BPI: variants seen among roughly 807,000 people sequenced by gnomAD.
BPI encodes the protein bactericidal permeability-increasing protein.
Under a neutral mutation model 57.6 loss-of-function variants are expected in BPI, and 48 were observed. That is an observed-to-expected ratio of 0.83 (90% CI 0.66 to 1.06). The LOEUF is 1.06. Ranked by LOEUF, BPI falls within the 50% of genes least tolerant of loss-of-function variation. BPI has a pLI of 0.00. For missense variants in BPI, 651 were observed against 609.7 expected, an observed-to-expected ratio of 1.07 and a Z score of -0.71; for synonymous variants, 237 against 238.2, an observed-to-expected ratio of 0.99 and a Z score of 0.05.
chr20:38,323,742 T>C (rs1051154455), intron 7 of BPI, 128 bp from the exon 8 acceptor site: 1 of 1,056,094 alleles, frequency 9.5e-7, no homozygotes, highest in Non-Finnish European at 1.3e-6. Context: ...CTACTGTTAG[T>C]TTCTGGTCAT....
Position 38,331,038 on chromosome 20 carries a change from C to T in BPI, c.1230-10C>T. 6.2e-7 allele frequency: 1 copy of T among 1,614,066 alleles called. No homozygotes were observed. The highest frequency in any genetic ancestry group is 8.5e-7 in the Non-Finnish European group (1 of 1,179,956). ...TTGGTGGTCTCAGTCCCCTCCTCCC[C>T]CTCTCACAGGCTGCTCCTGGAACTG... is the stretch of plus-strand genomic sequence containing the variant. On this transcript the variant is annotated splice_polypyrimidine_tract_variant and intron_variant, in intron 11 of 14. Coordinates refer to ENST00000642449, the MANE Select transcript of BPI (RefSeq NM_001725.3).
In BPI at chr20:38,324,036, G is replaced by A; in HGVS notation, c.923G>A (p.Arg308Lys). The A allele has an allele frequency of 1.2e-6, 2 of 1,613,888 alleles. No individual in the cohort carries two copies. The highest frequency in any genetic ancestry group is 1.7e-6 in the Non-Finnish European group (2 of 1,180,016). Residue 308 changes from arginine (R) to lysine (K), a missense_variant, in exon 8 of 15, where the codon AGA becomes AAA. Coordinates refer to ENST00000642449, the MANE Select transcript of BPI (RefSeq NM_001725.3). ...QEAGVLKMTL[R>K]DDMIPKESKF... ...GCTGGGGTCTTGAAGATGACCCTTA[G>A]AGATGACATGGTAAGGCCGGGCTCT... is the stretch of plus-strand genomic sequence containing the variant.
intron 14 of BPI, 119 bp downstream of exon 14, chr20:38,335,793 A>G (rs1331916020): frequency 2.2e-6 from 2 of 928,450 alleles, no homozygotes; most frequent in South Asian, 1.5e-5. Context: ...CCTTACAACA[A>G]CTCTGGGATG....
intron 5 of BPI, among the ~76,000 whole-genome samples, chr20:38,316,805 T>G (rs1330622234): frequency 6.6e-6 from 1 of 152,168 alleles, no homozygotes; most frequent in Non-Finnish European, 1.5e-5. Flanking sequence ...GCTTGGCACT[T>G]CTGAGCACAG....
chr20:38,314,281 T>C lies in BPI; in HGVS notation c.600+2344T>C, dbSNP rs537134302. 8.1e-5 allele frequency among the ~76,000 whole-genome samples: 12 copies of C among 147,982 alleles called. 1 individual carries two copies. In the East Asian group the frequency reaches 2.5e-3, roughly 31 times the overall value. ...GTGATGGTGAGATTGATGATGGTGA[T>C]GGTGGGGATGATGATAATGATGATG... On this transcript the variant is annotated intron_variant, in intron 5 of 14. Coordinates refer to ENST00000642449, the MANE Select transcript of BPI (RefSeq NM_001725.3).
chr20:38,332,103 G>C (rs761055326), intron 12 of BPI, among the ~76,000 whole-genome samples: 1 of 152,204 alleles, frequency 6.6e-6, no homozygotes, highest in East Asian at 1.9e-4. Flanking sequence ...CTGGAGCAGA[G>C]CAAGTAGGGG....
Position 38,327,551 on chromosome 20 carries a change from G to A in BPI, c.1162-37G>A, listed in dbSNP as rs752039728. 1.6e-5 allele frequency: 25 copies of A among 1,610,348 alleles called. No individual in the cohort carries two copies. In the South Asian group the frequency reaches 2.7e-4, roughly 18 times the overall value. ...TGGAGGCCTTGCAATCAGGTGCCTGGGTCAGGGCACTTCACCCTGGGTTGT... is the reference window on the plus strand; with the variant it reads ...TGGAGGCCTTGCAATCAGGTGCCTGAGTCAGGGCACTTCACCCTGGGTTGT... On this transcript the variant is annotated intron_variant, in intron 10 of 14. Coordinates refer to ENST00000642449, the MANE Select transcript of BPI (RefSeq NM_001725.3).
intron 6 of BPI, 82 bp downstream of exon 6, chr20:38,318,558 G>A (rs752113549): frequency 6.0e-5 from 90 of 1,489,292 alleles, no homozygotes; most frequent in East Asian, 2.0e-4. Flanking sequence ...TGATGGGGCC[G>A]GCAAGTTTCC....
At chr20:38,330,851 C>A (rs2076738590) in intron 11 of BPI, among the ~76,000 whole-genome samples, 197 bp from the exon 12 acceptor site, 1 of 152,174 alleles carries the variant, frequency 6.6e-6, no homozygotes, top group African/African-American at 2.4e-5. Flanking sequence ...AGTGTGGGGT[C>A]AACGGCACTA....
chr20:38,330,417 G>T (rs113753663), intron 11 of BPI, among the ~76,000 whole-genome samples: 3 of 152,178 alleles, frequency 2.0e-5, no homozygotes, highest in Non-Finnish European at 2.9e-5. Flanking sequence ...GCTAATGAAT[G>T]GTTGGGGTTC....
Position 38,304,257 on chromosome 20 carries a change from G to C in BPI, c.34G>C (p.Ala12Pro). The C allele has an allele frequency of 1.2e-6, 2 of 1,614,188 alleles. No homozygotes were observed. Among genetic ancestry groups the C allele is most frequent in the Middle Eastern group, 1.6e-4 (1 of 6,062 alleles). Residue 12 changes from alanine (A) to proline (P), a missense_variant, in exon 1 of 15, where the codon GCG becomes CCG. By Grantham distance (27) the Ala-to-Pro change is conservative. Transcript: ENST00000642449. ...ARGPCNAPRW[A>P]SLMVLVAIGT... ...GGGCCCTTGCAACGCGCCGAGATGGGCGTCCCTGATGGTGCTGGTCGCCAT... is the reference window on the plus strand; with the variant it reads ...GGGCCCTTGCAACGCGCCGAGATGGCCGTCCCTGATGGTGCTGGTCGCCAT...
At chr20:38,307,043 T>A (rs1041811300) in intron 1 of BPI, among the ~76,000 whole-genome samples, 10 of 151,890 alleles carry the variant, frequency 6.6e-5, no homozygotes, top group South Asian at 2.1e-4. Flanking sequence ...AAAAAATTTT[T>A]AAAAAGTTAG....
chr20:38,327,809 TC>T (rs1568817870), intron 11 of BPI, among the ~76,000 whole-genome samples, 154 bp downstream of exon 11: 2 of 152,184 alleles, frequency 1.3e-5, no homozygotes, highest in East Asian at 3.8e-4. Context: ...GGCCACAGTA[TC>T]CCCATTTTGC....
In BPI at chr20:38,326,331, T is replaced by C. The variant is rs1300428754; in HGVS notation, c.1060T>C (p.Ser354Pro). Reference sequence around the variant, plus strand: ...CTCAGCCTCCACCCCGCCACACCTGTCTGTGCAGCCCACCGGCCTTACCTT... The same window carrying C: ...CTCAGCCTCCACCCCGCCACACCTGCCTGTGCAGCCCACCGGCCTTACCTT... ...HVSASTPPHL[S>P]VQPTGLTFYP... The change falls in exon 10 of 15, where the codon TCT becomes CCT. Residue 354 changes from serine to proline, a missense_variant. Coordinates refer to ENST00000642449, the MANE Select transcript of BPI (RefSeq NM_001725.3). The C allele has an allele frequency of 1.9e-6, 3 of 1,614,096 alleles. No homozygotes were observed. The Admixed American group carries it at 5.0e-5, about 27-fold the overall frequency.
At chr20:38,323,746 TG>T in intron 7 of BPI, 123 bp from the exon 8 acceptor site, 1 of 1,089,420 alleles carries the variant, frequency 9.2e-7, no homozygotes, top group Non-Finnish European at 1.3e-6. Flanking sequence ...TGTTAGTTTC[TG>T]GTCATTGCTT....
In BPI at chr20:38,310,527, C is replaced by T. The variant is rs1162694632; in HGVS notation, c.411C>T (p.Gly137=). 6.2e-7 allele frequency: 1 copy of T among 1,614,184 alleles called. No individual in the cohort carries two copies. The highest frequency in any genetic ancestry group is 1.7e-5 in the Admixed American group (1 of 60,020). ...GCAATTTTGACCTGAGCATAGAAGG[C>T]ATGTCCATTTCGGCTGATCTGAAGC... ...MSGNFDLSIE[G]MSISADLKLG... The change falls in exon 4 of 15, where the codon GGC becomes GGT. Residue 137 remains glycine (G), a synonymous_variant. Transcript: ENST00000642449.
intron 6 of BPI, chr20:38,319,900 A>G (rs6024842): frequency 0.65 from 261,233 of 404,826 alleles, 87,165 homozygotes; most frequent in African/African-American, 0.88. Context: ...AAGGTCATCC[A>G]GAGTTTGGTT....
chr20:38,319,980 G>A (rs2076672766), intron 6 of BPI: 1 of 588,526 alleles, frequency 1.7e-6, no homozygotes. Context: ...TGGAAGAAGA[G>A]AGTAAGGGGG....
Position 38,307,610 on chromosome 20 carries a change from G to T in BPI, c.174G>T (p.Arg58Ser). Residue 58 changes from arginine to serine, a missense_variant, in exon 2 of 15, where the codon AGG (arginine) becomes AGT (serine). Arg to Ser is a moderately radical substitution (Grantham distance 110, BLOSUM62 -1). Coordinates refer to ENST00000642449, the MANE Select transcript of BPI (RefSeq NM_001725.3). Reference sequence around the variant, plus strand: ...CCGCTCTGCAGAAGGAGCTGAAGAGGATCAAGATTCCTGACTACTCAGACA... The same window carrying T: ...CCGCTCTGCAGAAGGAGCTGAAGAGTATCAAGATTCCTGACTACTCAGACA... Reference protein sequence around the residue: ...GTAALQKELKRIKIPDYSDSF... With the variant: ...GTAALQKELKSIKIPDYSDSF... The T allele has an allele frequency of 1.2e-6, 2 of 1,611,786 alleles. No homozygotes were observed. The highest frequency in any genetic ancestry group is 8.5e-7 in the Non-Finnish European group (1 of 1,179,150).
Sources: gnomAD v4.1 joint callset for allele counts (sites outside exome capture counted in the v4.1 genomes callset) on GRCh38, gnomAD v4.1.1 for gene constraint, MANE v1.5 for transcripts, NCBI Gene and HGNC (gene_info 2026-07-23, HGNC 2026-07-21) for gene names.